MTA3: variants seen among roughly 807,000 people sequenced by gnomAD.
MTA3 encodes metastasis-associated protein MTA3.
In MTA3, 34 loss-of-function variants were observed where a neutral mutation model predicts 83.5. The observed-to-expected ratio is 0.41, with a 90% CI of 0.31 to 0.54. MTA3 has a LOEUF of 0.54. MTA3 is among the 20% of genes least tolerant of loss of function. The pLI is 0.33. For missense variants in MTA3, 761 were observed against 726.4 expected (o/e 1.05, Z -0.55); for synonymous variants, 303 against 252.7 (o/e 1.20, Z -1.89).
At chr2:42,571,162 G>T (rs367701343) in intron 2 of MTA3, among the ~76,000 whole-genome samples, 1 of 151,892 alleles carries the variant, frequency 6.6e-6, no homozygotes, top group Non-Finnish European at 1.5e-5. Context: ...GGAGGCCAAG[G>T]AGGGGGTGGA....
chr2:42,754,536 A>G lies in MTA3; in HGVS notation c.*1137A>G. ...CTCAGCTGTGCTGAGTAGCTGTGCT[A>G]CTTGTGCTGGCAGCTGCAAGGATAG... is the stretch of plus-strand genomic sequence containing the variant. On this transcript the variant is annotated 3_prime_UTR_variant, in exon 17 of 17. Coordinates refer to ENST00000405094, the MANE Select transcript of MTA3 (RefSeq NM_001330442.2). 1.0e-6 allele frequency: 1 copy of G among 985,366 alleles called. No homozygotes were observed. Among genetic ancestry groups the G allele is most frequent in the Non-Finnish European group, 1.2e-6 (1 of 829,936 alleles). 61.0% of individuals were successfully genotyped at this position (985,366 alleles called of 1,614,324 possible).
chr2:42,518,321 T>C (rs995836344), intron 2 of MTA3, among the ~76,000 whole-genome samples: 1 of 152,116 alleles, frequency 6.6e-6, no homozygotes, highest in Non-Finnish European at 1.5e-5. Context: ...ATAGGAAATA[T>C]ACAAGATGAA....
At chr2:42,546,843 G>A (rs1203959412) in intron 2 of MTA3, among the ~76,000 whole-genome samples, 2 of 152,166 alleles carry the variant, frequency 1.3e-5, no homozygotes, top group Non-Finnish European at 2.9e-5. Context: ...TAGGACATGT[G>A]GGCAGACAGG....
intron 9 of MTA3, among the ~76,000 whole-genome samples, chr2:42,689,039 AT>A (rs1382889892): frequency 2.6e-5 from 4 of 152,186 alleles, no homozygotes; most frequent in Admixed American, 6.6e-5. Flanking sequence ...TTTTAAAAAA[AT>A]CATGAATGAT....
chr2:42,549,346 A>G (rs1308443526), intron 2 of MTA3, among the ~76,000 whole-genome samples: 6 of 123,060 alleles, frequency 4.9e-5, no homozygotes, highest in African/African-American at 1.9e-4. Context: ...CGTATACATT[A>G]TATATTACAT....
intron 9 of MTA3, among the ~76,000 whole-genome samples, chr2:42,692,958 C>T (rs1295909046): frequency 1.3e-5 from 2 of 152,198 alleles, no homozygotes; most frequent in African/African-American, 4.8e-5. Context: ...GGGCCTCAAG[C>T]CCAATATCAC....
intron 2 of MTA3, among the ~76,000 whole-genome samples, chr2:42,576,201 A>G (rs1021112885): frequency 1.3e-5 from 2 of 152,208 alleles, no homozygotes; most frequent in Non-Finnish European, 2.9e-5. Flanking sequence ...ACCCGGAAAG[A>G]CAAGTTGATG....
intron 12 of MTA3, among the ~76,000 whole-genome samples, chr2:42,706,251 T>G (rs1032287624): frequency 6.6e-6 from 1 of 152,028 alleles, no homozygotes; most frequent in Non-Finnish European, 1.5e-5. Context: ...ATTGTGCACA[T>G]GTACCCTAAA....
chr2:42,568,683 C>G lies in MTA3; in HGVS notation c.-63C>G. 8.8e-7 allele frequency: 1 copy of G among 1,137,016 alleles called. No individual in the cohort carries two copies. Among genetic ancestry groups the G allele is most frequent in the East Asian group, 4.1e-5 (1 of 24,446 alleles). The allele number at this position is 1,137,016 out of a possible 1,614,324, so 70.4% of individuals were successfully genotyped here. Reference sequence around the variant, plus strand: ...GCGGCAGCGGCGGTCGCGGCTGAGGCTGAGGAGGAGGCGGCGGCGGCGGGC... The same window carrying G: ...GCGGCAGCGGCGGTCGCGGCTGAGGGTGAGGAGGAGGCGGCGGCGGCGGGC... On this transcript the variant is annotated 5_prime_UTR_variant, in exon 1 of 17. Coordinates refer to ENST00000405094, the MANE Select transcript of MTA3 (RefSeq NM_001330442.2).
chr2:42,596,901 C>T (rs1413679415), intron 3 of MTA3, among the ~76,000 whole-genome samples: 1 of 151,768 alleles, frequency 6.6e-6, no homozygotes, highest in Non-Finnish European at 1.5e-5. Flanking sequence ...TAAAATTTTC[C>T]ACAAGTTATC....
At chr2:42,746,019 A>G (rs766454079) in intron 16 of MTA3, among the ~76,000 whole-genome samples, 17 of 151,526 alleles carry the variant, frequency 1.1e-4, no homozygotes, top group South Asian at 1.0e-3. Context: ...TCACCATGTT[A>G]GCCAGGATGG....
chr2:42,729,326 C>T (rs1254385941), intron 16 of MTA3, among the ~76,000 whole-genome samples: 1 of 151,932 alleles, frequency 6.6e-6, no homozygotes, highest in African/African-American at 2.4e-5. Flanking sequence ...TGATCTCGAT[C>T]CCCTGACCTT....
At chr2:42,609,223 G>A (rs1317583559) in intron 3 of MTA3, among the ~76,000 whole-genome samples, 3 of 151,828 alleles carry the variant, frequency 2.0e-5, no homozygotes, top group East Asian at 3.9e-4. Context: ...TAGAGATGGG[G>A]TTTCGCCATG....
intron 11 of MTA3, 105 bp downstream of exon 11, chr2:42,697,939 TTTC>T (rs66846641): frequency 0.2 from 140,018 of 692,824 alleles, 16,007 homozygotes; most frequent in East Asian, 0.32. Context: ...TTTGTGTATC[TTTC>T]TTCTTCTACA....
At chr2:42,703,838 C>T (rs542151900) in intron 11 of MTA3, 3 of 171,872 alleles carry the variant, frequency 1.7e-5, no homozygotes, top group East Asian at 1.8e-4. Context: ...TGCAGTGAGC[C>T]GAGATCGCGC....
chr2:42,656,406 A>G, intron 7 of MTA3, 104 bp downstream of exon 7: 1 of 603,050 alleles, frequency 1.7e-6, no homozygotes, highest in Non-Finnish European at 2.7e-6. Context: ...TCTCCCACTG[A>G]TTGTATTATT....
At chr2:42,637,300 A>G (rs1487928507) in intron 4 of MTA3, among the ~76,000 whole-genome samples, 1 of 152,180 alleles carries the variant, frequency 6.6e-6, no homozygotes, top group East Asian at 1.9e-4. Flanking sequence ...TCTTTGATAC[A>G]CTTCATATCA....
At chr2:42,656,868 G>T (rs1294460348) in intron 7 of MTA3, among the ~76,000 whole-genome samples, 2 of 152,132 alleles carry the variant, frequency 1.3e-5, no homozygotes, top group Admixed American at 6.6e-5. Context: ...ATGAACTGAG[G>T]TATACTCATA....
upstream of MTA3, among the ~76,000 whole-genome samples, chr2:42,565,500 T>C (rs141025590): frequency 6.6e-6 from 1 of 152,104 alleles, no homozygotes; most frequent in East Asian, 1.9e-4. Flanking sequence ...CCACTTCTCT[T>C]CAACTAAATG....
Sources: allele counts gnomAD v4.1 joint callset (sites outside exome capture counted in the v4.1 genomes callset), GRCh38; gene constraint gnomAD v4.1.1; transcripts MANE v1.5; gene names NCBI Gene and HGNC (gene_info 2026-07-23, HGNC 2026-07-21).